Variants in ADAMTSL1 observed in about 807,000 individuals in gnomAD.
The protein encoded by ADAMTSL1 is ADAMTS-like protein 1.
A neutral mutation model predicts 201.8 loss-of-function variants in ADAMTSL1; 126 were observed. The observed-to-expected ratio is 0.62, with a 90% CI of 0.54 to 0.72. ADAMTSL1 has a LOEUF of 0.72. Among genes scored for constraint, ADAMTSL1 ranks in the 30% least tolerant of loss-of-function variants. The pLI, the probability that ADAMTSL1 is intolerant of heterozygous loss-of-function variation, is 0.00. For synonymous variants in ADAMTSL1, 1,121 were observed against 903.4 expected, an observed-to-expected ratio of 1.24 and a Z score of -4.32; for missense variants, 2,679 against 2,277.8, an observed-to-expected ratio of 1.18 and a Z score of -3.59.
intron 2 of ADAMTSL1, among the ~76,000 whole-genome samples, chr9:18,300,053 C>G (rs1258673397): frequency 1.3e-5 from 2 of 152,158 alleles, no homozygotes. Flanking sequence ...GACAGTGTGG[C>G]AATTCCTCAA....
intron 2 of ADAMTSL1, among the ~76,000 whole-genome samples, chr9:18,429,279 A>G (rs1421459438): frequency 6.6e-6 from 1 of 152,160 alleles, no homozygotes; most frequent in Non-Finnish European, 1.5e-5. Context: ...TGACTTCATA[A>G]CTTTTATAGT....
chr9:18,896,532 C>T (rs1227040509), intron 26 of ADAMTSL1, among the ~76,000 whole-genome samples: 1 of 152,076 alleles, frequency 6.6e-6, no homozygotes, highest in South Asian at 2.1e-4. Context: ...TCTGAAATAT[C>T]CAGGTTCTCT....
At chr9:18,718,017 C>G in intron 14 of ADAMTSL1, 1 of 1,594,874 alleles carries the variant, frequency 6.3e-7, no homozygotes. Flanking sequence ...TTCCCAGGCA[C>G]TGGAGTTTTT....
intron 19 of ADAMTSL1, among the ~76,000 whole-genome samples, chr9:18,793,062 T>C (rs1359859942): frequency 1.4e-4 from 22 of 152,196 alleles, no homozygotes; most frequent in Admixed American, 1.4e-3. Flanking sequence ...TCAGCTCTAG[T>C]TGAATGCCAC....
At chr9:18,526,830 T>C (rs1214288728) in intron 2 of ADAMTSL1, among the ~76,000 whole-genome samples, 1 of 152,114 alleles carries the variant, frequency 6.6e-6, no homozygotes, top group African/African-American at 2.4e-5. Context: ...AATCCCTTGG[T>C]GGGGTTGCAA....
intron 3 of ADAMTSL1, among the ~76,000 whole-genome samples, chr9:18,544,049 C>T (rs573162342): frequency 6.6e-6 from 1 of 152,284 alleles, no homozygotes; most frequent in South Asian, 2.1e-4. Flanking sequence ...GGCTTGGGGG[C>T]TCTGTTACTT....
At chr9:18,376,206 A>G (rs1331615567) in intron 2 of ADAMTSL1, among the ~76,000 whole-genome samples, 2 of 152,208 alleles carry the variant, frequency 1.3e-5, no homozygotes, top group Non-Finnish European at 2.9e-5. Flanking sequence ...GAATTTTAAG[A>G]TATTTCTTGT....
intron 1 of ADAMTSL1, among the ~76,000 whole-genome samples, chr9:18,498,550 C>A (rs1473204001): frequency 1.3e-5 from 2 of 152,124 alleles, no homozygotes; most frequent in African/African-American, 4.8e-5. Flanking sequence ...GTTGGTCAGG[C>A]TGGTCTCAAA....
Position 18,465,628 on chromosome 9 carries a change from A to T in ADAMTSL1, c.208-39201A>T, listed in dbSNP as rs554499223. 2.0e-5 allele frequency among the ~76,000 whole-genome samples: 3 copies of T among 152,342 alleles called. No individual in the cohort carries two copies. The East Asian group carries it at 5.8e-4, about 29-fold the overall frequency. On this transcript the variant is annotated intron_variant, in intron 2 of 29. Transcript: ENST00000680146. ...GAACTGTGTCACATGGTAACACATAACTGCCAAGAGAGGCTAAGAAATGTT... is the reference window on the plus strand; with the variant it reads ...GAACTGTGTCACATGGTAACACATATCTGCCAAGAGAGGCTAAGAAATGTT...
intron 2 of ADAMTSL1, among the ~76,000 whole-genome samples, chr9:18,245,442 G>A (rs956541809): frequency 6.6e-6 from 1 of 152,072 alleles, no homozygotes; most frequent in East Asian, 1.9e-4. Context: ...AGCTACTCGG[G>A]GTTTGTGACT....
At chr9:18,046,783 A>G (rs950523547) in intron 1 of ADAMTSL1, among the ~76,000 whole-genome samples, 1 of 152,212 alleles carries the variant, frequency 6.6e-6, no homozygotes, top group Non-Finnish European at 1.5e-5. Flanking sequence ...GTTATGTTAC[A>G]GAGAAGAAAA....
intron 13 of ADAMTSL1, among the ~76,000 whole-genome samples, chr9:18,699,481 G>C (rs566851271): frequency 6.6e-6 from 1 of 151,960 alleles, no homozygotes; most frequent in South Asian, 2.1e-4. Context: ...TGTGCTACCA[G>C]ACTCAGCTAA....
intron 1 of ADAMTSL1, among the ~76,000 whole-genome samples, chr9:17,968,315 C>G (rs1341974535): frequency 6.6e-6 from 1 of 152,070 alleles, no homozygotes; most frequent in Non-Finnish European, 1.5e-5. Context: ...TGTTTTCTTC[C>G]TAAGTGTTAC....
chr9:18,841,823 G>A (rs561239401), intron 23 of ADAMTSL1, among the ~76,000 whole-genome samples: 39 of 152,258 alleles, frequency 2.6e-4, no homozygotes, highest in East Asian at 2.3e-3. Context: ...GTTTATTTGC[G>A]TAGAGGTGTT....
At chr9:18,026,800 A>G (rs988962168) in intron 1 of ADAMTSL1, among the ~76,000 whole-genome samples, 1 of 151,946 alleles carries the variant, frequency 6.6e-6, no homozygotes, top group Non-Finnish European at 1.5e-5. Flanking sequence ...TTCTTTGAAC[A>G]TCTGGTAGAA....
At chr9:18,801,542 CAAGT>C (rs1430812070) in intron 20 of ADAMTSL1, among the ~76,000 whole-genome samples, 3 of 152,164 alleles carry the variant, frequency 2.0e-5, no homozygotes, top group Non-Finnish European at 4.4e-5. Flanking sequence ...TCTCCACCCT[CAAGT>C]AAGCCCCAGG....
At chr9:17,935,495 C>T (rs1316505237) in intron 1 of ADAMTSL1, among the ~76,000 whole-genome samples, 2 of 152,162 alleles carry the variant, frequency 1.3e-5, no homozygotes, top group East Asian at 3.8e-4. Context: ...GAATATTTAA[C>T]AGGCCTCTTA....
intron 1 of ADAMTSL1, among the ~76,000 whole-genome samples, chr9:17,952,477 T>C (rs1827764113): frequency 6.6e-6 from 1 of 152,212 alleles, no homozygotes; most frequent in Middle Eastern, 3.2e-3. Flanking sequence ...CCTTCTAGTT[T>C]ATGATGCCTT....
intron 4 of ADAMTSL1, among the ~76,000 whole-genome samples, chr9:18,584,030 A>G (rs1823297216): frequency 6.6e-6 from 1 of 152,152 alleles, no homozygotes; most frequent in South Asian, 2.1e-4. Flanking sequence ...GAAATGAGTT[A>G]AGACTTTGGG....
Sources: allele counts gnomAD v4.1 joint callset (sites outside exome capture counted in the v4.1 genomes callset), GRCh38; gene constraint gnomAD v4.1.1; transcripts MANE v1.5; gene names NCBI Gene and HGNC (gene_info 2026-07-23, HGNC 2026-07-21).